Variants in CTNNA2 observed in about 807,000 individuals in gnomAD.
CTNNA2 encodes the protein catenin alpha-2.
A neutral mutation model predicts 101.0 loss-of-function variants in CTNNA2; 42 were observed. The ratio of observed to expected loss-of-function variants is 0.42; its 90% CI spans 0.32 to 0.54. CTNNA2 has a LOEUF of 0.54. Ranked by LOEUF, CTNNA2 falls within the 20% of genes least tolerant of loss-of-function variation. The pLI, the probability that CTNNA2 is intolerant of heterozygous loss-of-function variation, is 0.14. For synonymous variants in CTNNA2, 450 were observed against 456.4 expected (o/e 0.99, Z 0.18); for missense variants, 871 against 1,223.1 (o/e 0.71, Z 4.29).
At chr2:79,931,896 A>ATCT (rs952682405) in intron 7 of CTNNA2, among the ~76,000 whole-genome samples, 5 of 152,186 alleles carry the variant, frequency 3.3e-5, no homozygotes, top group Admixed American at 6.5e-5. Flanking sequence ...TACTCTCAGA[A>ATCT]TCTCTCTCTC....
At chr2:79,859,083 G>A (rs1369795419) in intron 4 of CTNNA2, among the ~76,000 whole-genome samples, 1 of 151,840 alleles carries the variant, frequency 6.6e-6, no homozygotes, top group East Asian at 1.9e-4. Flanking sequence ...TATGATTCCT[G>A]AACAATTGGC....
intron 7 of CTNNA2, among the ~76,000 whole-genome samples, chr2:80,062,264 G>A (rs1015096186): frequency 2.6e-5 from 4 of 152,162 alleles, no homozygotes; most frequent in Admixed American, 2.6e-4. Context: ...TTGGAAAATT[G>A]CATTTGAAAC....
At chr2:80,326,284 A>G (rs1004383867) in intron 7 of CTNNA2, among the ~76,000 whole-genome samples, 1 of 152,220 alleles carries the variant, frequency 6.6e-6, no homozygotes, top group Non-Finnish European at 1.5e-5. Flanking sequence ...ACACACTGCT[A>G]TAATTTTGTA....
chr2:80,021,747 A>G (rs1694579646), intron 7 of CTNNA2, among the ~76,000 whole-genome samples: 1 of 152,024 alleles, frequency 6.6e-6, no homozygotes, highest in Non-Finnish European at 1.5e-5. Flanking sequence ...TTTAAAATCT[A>G]CACTCAGCAA....
At chr2:79,226,455 T>TTATTACCCTC in intron 2 of CTNNA2, among the ~76,000 whole-genome samples, 1 of 152,136 alleles carries the variant, frequency 6.6e-6, no homozygotes, top group Non-Finnish European at 1.5e-5. Context: ...CAGTTATTTT[T>TTATTACCCTC]TGTGGCCACG....
At chr2:80,046,957 T>G (rs1696571831) in intron 7 of CTNNA2, among the ~76,000 whole-genome samples, 1 of 152,306 alleles carries the variant, frequency 6.6e-6, no homozygotes, top group South Asian at 2.1e-4. Flanking sequence ...AATGTTATCC[T>G]ATGCATGTAG....
At chr2:79,543,537 G>A (rs937975411) in intron 1 of CTNNA2, among the ~76,000 whole-genome samples, 3 of 152,048 alleles carry the variant, frequency 2.0e-5, no homozygotes, top group African/African-American at 7.2e-5. Flanking sequence ...TATTTTGACT[G>A]TTTTGATGGT....
intron 7 of CTNNA2, among the ~76,000 whole-genome samples, chr2:80,391,903 T>C (rs553637232): frequency 1.3e-5 from 2 of 152,184 alleles, no homozygotes; most frequent in Non-Finnish European, 2.9e-5. Context: ...GAAAGGATGA[T>C]GGGGAATGGT....
Position 79,820,626 on chromosome 2 carries a change from A to G in CTNNA2, c.299-37387A>G, listed in dbSNP as rs77535742. 9.8e-3 allele frequency among the ~76,000 whole-genome samples: 1,492 copies of G among 152,336 alleles called. 50 individuals are homozygous for G. In the East Asian group the frequency reaches 0.1, roughly 10 times the overall value. ...TCAACAAATTATAGCAAGTGTTCAC[A>G]TAATTTTATTGAAAAGGGAAGGAAG... On this transcript the variant is annotated intron_variant, in intron 3 of 18. Transcript: ENST00000402739.
At chr2:80,575,248 T>A (rs557110963) in intron 13 of CTNNA2, 1 of 152,320 alleles carries the variant, frequency 6.6e-6, no homozygotes, top group Non-Finnish European at 1.5e-5. Context: ...AGTAGAATGG[T>A]ATCCACACTT....
At chr2:80,504,056 T>C (rs1466126832) in intron 9 of CTNNA2, among the ~76,000 whole-genome samples, 3 of 152,202 alleles carry the variant, frequency 2.0e-5, no homozygotes, top group Non-Finnish European at 4.4e-5. Context: ...TCTCAAAGTT[T>C]GTATGGGTCA....
At chr2:79,458,306 G>A (rs1670846072) in intron 4 of CTNNA2, among the ~76,000 whole-genome samples, 1 of 152,094 alleles carries the variant, frequency 6.6e-6, no homozygotes, top group South Asian at 2.1e-4. Context: ...GAGTCATGAA[G>A]CCTTCTCTTT....
At chr2:79,833,548 T>C (rs537316562) in intron 3 of CTNNA2, among the ~76,000 whole-genome samples, 6 of 152,318 alleles carry the variant, frequency 3.9e-5, no homozygotes, top group Admixed American at 2.0e-4. Context: ...ACCTGGAGGA[T>C]TGAAATCATC....
At chr2:79,549,025 G>T (rs1673917770) in intron 1 of CTNNA2, among the ~76,000 whole-genome samples, 1 of 152,158 alleles carries the variant, frequency 6.6e-6, no homozygotes, top group Non-Finnish European at 1.5e-5. Flanking sequence ...TAATGGTTAT[G>T]TGTCCACAGG....
intron 7 of CTNNA2, among the ~76,000 whole-genome samples, chr2:79,955,814 C>T (rs1185126459): frequency 6.6e-6 from 1 of 152,180 alleles, no homozygotes; most frequent in African/African-American, 2.4e-5. Flanking sequence ...CCACACTCGG[C>T]CCCCAGGGGA....
At chr2:79,902,638 T>A (rs1685139788) in intron 6 of CTNNA2, among the ~76,000 whole-genome samples, 1 of 151,776 alleles carries the variant, frequency 6.6e-6, no homozygotes, top group Admixed American at 6.6e-5. Flanking sequence ...TCTTTTTTTT[T>A]TTTTTTGAGA....
intron 1 of CTNNA2, among the ~76,000 whole-genome samples, chr2:79,649,084 T>A (rs1373980992): frequency 6.6e-6 from 1 of 152,034 alleles, no homozygotes. Context: ...AACACTTGCT[T>A]CTTGGCTCAT....
intron 2 of CTNNA2, among the ~76,000 whole-genome samples, chr2:79,675,461 A>C (rs1262602369): frequency 6.6e-6 from 1 of 152,184 alleles, no homozygotes; most frequent in East Asian, 1.9e-4. Context: ...ACTCAGAAAC[A>C]CTTTCGGGGG....
chr2:80,103,054 T>G (rs1700646872), intron 7 of CTNNA2, among the ~76,000 whole-genome samples: 1 of 152,164 alleles, frequency 6.6e-6, no homozygotes, highest in South Asian at 2.1e-4. Flanking sequence ...GGGGGCCATC[T>G]CTGCACTGTC....
Sources: gnomAD v4.1 joint callset for allele counts (sites outside exome capture counted in the v4.1 genomes callset) on GRCh38, gnomAD v4.1.1 for gene constraint, MANE v1.5 for transcripts, NCBI Gene and HGNC (gene_info 2026-07-23, HGNC 2026-07-21) for gene names.